THSD7B: variants seen among roughly 807,000 people sequenced by gnomAD.
THSD7B encodes thrombospondin type 1 domain containing 7B.
A neutral mutation model predicts 213.6 loss-of-function variants in THSD7B; 138 were observed. That is an observed-to-expected ratio of 0.65 (90% confidence interval 0.56 to 0.74). THSD7B has a LOEUF of 0.74. THSD7B is among the 30% of genes least tolerant of loss of function. The pLI, the probability that THSD7B is intolerant of heterozygous loss-of-function variation, is 0.00. For missense variants in THSD7B, 1,931 were observed against 1,991.5 expected, an observed-to-expected ratio of 0.97 and a Z score of 0.58; for synonymous variants, 742 against 687.0, an observed-to-expected ratio of 1.08 and a Z score of -1.25.
At chr2:137,612,115 A>G (rs1682299986) in intron 17 of THSD7B, among the ~76,000 whole-genome samples, 1 of 152,242 alleles carries the variant, frequency 6.6e-6, no homozygotes, top group Non-Finnish European at 1.5e-5. Flanking sequence ...ATATAACATG[A>G]AATGCTAAAT....
intron 12 of THSD7B, among the ~76,000 whole-genome samples, chr2:137,293,504 CTCTCTATCTT>C (rs1183062043): frequency 6.7e-6 from 1 of 148,476 alleles, no homozygotes; most frequent in Non-Finnish European, 1.5e-5. Context: ...TTTTCTCTCT[CTCTCTATCTT>C]TCTATCTCTA....
intron 1 of THSD7B, among the ~76,000 whole-genome samples, chr2:136,774,439 C>G (rs1484827258): frequency 6.6e-6 from 1 of 152,060 alleles, no homozygotes; most frequent in Non-Finnish European, 1.5e-5. Context: ...CTGATAGTAA[C>G]AGACCCTCTG....
chr2:137,160,295 C>T lies in THSD7B; in HGVS notation c.1452C>T (p.Asp484=), dbSNP rs1679993390. Residue 484 remains aspartate, a synonymous_variant, in exon 6 of 28, where the codon GAC becomes GAT. Coordinates refer to ENST00000409968, the MANE Select transcript of THSD7B (RefSeq NM_001316349.2). ...TCTGCAATATCCCTTGCTCTACGGA[C>T]TGCATAGTATCTTCCTGGTCAGCCT... ...SQLCNIPCST[D]CIVSSWSAWG... 6.2e-7 allele frequency: 1 copy of T among 1,613,608 alleles called. No individual in the cohort carries two copies. The highest frequency in any genetic ancestry group is 8.5e-7 in the Non-Finnish European group (1 of 1,179,746).
intron 2 of THSD7B, among the ~76,000 whole-genome samples, chr2:136,954,897 A>G (rs1386540149): frequency 1.3e-5 from 2 of 151,288 alleles, no homozygotes; most frequent in Non-Finnish European, 2.9e-5. Flanking sequence ...ATTTGTTTCT[A>G]TTTTTTTTAC....
chr2:137,260,934 C>T (rs1385978176), intron 10 of THSD7B, among the ~76,000 whole-genome samples: 2 of 151,932 alleles, frequency 1.3e-5, no homozygotes, highest in African/African-American at 4.8e-5. Context: ...ATTTGTTCAA[C>T]GATTATTTAC....
At chr2:137,311,566 G>A (rs563673957) in intron 12 of THSD7B, among the ~76,000 whole-genome samples, 6 of 152,174 alleles carry the variant, frequency 3.9e-5, no homozygotes, top group South Asian at 4.2e-4. Context: ...GTGAGAGAGG[G>A]CATCCCTCTC....
At chr2:136,845,905 C>T (rs898909366) in intron 1 of THSD7B, among the ~76,000 whole-genome samples, 3 of 152,136 alleles carry the variant, frequency 2.0e-5, no homozygotes. Context: ...ATAGCTCCCA[C>T]AGTATGTTGT....
intron 7 of THSD7B, among the ~76,000 whole-genome samples, chr2:137,199,581 C>T (rs9287470): frequency 0.83 from 126,822 of 152,130 alleles, 53,803 homozygotes; most frequent in Middle Eastern, 0.94. Flanking sequence ...TTGTGATGCT[C>T]TTCCTGAAAT....
intron 1 of THSD7B, among the ~76,000 whole-genome samples, chr2:136,797,541 G>A (rs1440255856): frequency 6.6e-6 from 1 of 151,980 alleles, no homozygotes; most frequent in Non-Finnish European, 1.5e-5. Context: ...ATGCGTTGCA[G>A]ATGGGTAGGC....
intron 15 of THSD7B, among the ~76,000 whole-genome samples, chr2:137,490,602 GA>G (rs1014578268): frequency 2.0e-5 from 3 of 152,098 alleles, no homozygotes; most frequent in African/African-American, 7.2e-5. Context: ...TACAGCTGGT[GA>G]AACTACATTG....
chr2:136,969,104 T>C (rs776270182), intron 2 of THSD7B, among the ~76,000 whole-genome samples: 2 of 152,176 alleles, frequency 1.3e-5, no homozygotes, highest in Non-Finnish European at 2.9e-5. Flanking sequence ...CTGCTTGCCA[T>C]TGTAGTAAAG....
chr2:137,337,841 C>T (rs1217734229), intron 12 of THSD7B, among the ~76,000 whole-genome samples: 1 of 151,936 alleles, frequency 6.6e-6, no homozygotes, highest in African/African-American at 2.4e-5. Flanking sequence ...AGTTTTAATC[C>T]ATTACTATCA....
At chr2:137,425,074 AAATAAT>A (rs539396572) in intron 14 of THSD7B, among the ~76,000 whole-genome samples, 1 of 77,862 alleles carries the variant, frequency 1.3e-5, no homozygotes, top group Admixed American at 1.8e-4. Context: ...TCTGTCTCAA[AAATAAT>A]AATAATAATA....
At chr2:137,483,561 C>T (rs1382077231) in intron 15 of THSD7B, among the ~76,000 whole-genome samples, 2 of 152,198 alleles carry the variant, frequency 1.3e-5, no homozygotes, top group African/African-American at 4.8e-5. Flanking sequence ...CTTCATTGAA[C>T]TCTATTATTG....
At chr2:137,270,130 T>C (rs1174484489) in intron 10 of THSD7B, among the ~76,000 whole-genome samples, 3 of 151,528 alleles carry the variant, frequency 2.0e-5, no homozygotes, top group Non-Finnish European at 4.4e-5. Flanking sequence ...ATAGGAACTG[T>C]GGCTTTTGTT....
intron 15 of THSD7B, among the ~76,000 whole-genome samples, chr2:137,488,898 A>C (rs1688536472): frequency 6.6e-6 from 1 of 152,184 alleles, no homozygotes; most frequent in Admixed American, 6.5e-5. Context: ...CAAATCTATA[A>C]GTAGCATGAA....
intron 2 of THSD7B, among the ~76,000 whole-genome samples, chr2:136,954,504 C>A (rs1039921561): frequency 4.6e-5 from 7 of 151,966 alleles, no homozygotes; most frequent in African/African-American, 1.7e-4. Context: ...ATCTTGAGGT[C>A]AGGAGATCGA....
intron 12 of THSD7B, among the ~76,000 whole-genome samples, chr2:137,387,172 A>AT (rs1166873777): frequency 1.8e-4 from 27 of 152,234 alleles, no homozygotes; most frequent in Non-Finnish European, 2.9e-5. Flanking sequence ...GATACTTTGC[A>AT]TAGGAACATG....
At chr2:137,355,525 G>C (rs1387467602) in intron 12 of THSD7B, among the ~76,000 whole-genome samples, 1 of 152,142 alleles carries the variant, frequency 6.6e-6, no homozygotes, top group Non-Finnish European at 1.5e-5. Flanking sequence ...TAAATTCACT[G>C]TGTAGAAAAA....
Sources: allele counts gnomAD v4.1 joint callset (sites outside exome capture counted in the v4.1 genomes callset), GRCh38; gene constraint gnomAD v4.1.1; transcripts MANE v1.5; gene names NCBI Gene and HGNC (gene_info 2026-07-23, HGNC 2026-07-21).